Variants in SRD5A2 observed in about 807,000 individuals in gnomAD.
SRD5A2 encodes 3-oxo-5-alpha-steroid 4-dehydrogenase 2.
In SRD5A2, 30 loss-of-function variants were observed where a neutral mutation model predicts 27.4. The ratio of observed to expected loss-of-function variants is 1.10; its 90% CI spans 0.82 to 1.49. The LOEUF (loss-of-function observed/expected upper bound fraction) is 1.49, where lower values mean the gene tolerates loss of function less well. Among genes scored for constraint, SRD5A2 ranks in the 40% most tolerant of loss-of-function variants. SRD5A2 has a pLI of 0.00. For missense variants in SRD5A2, 348 were observed against 323.4 expected, an observed-to-expected ratio of 1.08 and a Z score of -0.58; for synonymous variants, 141 against 133.6, an observed-to-expected ratio of 1.06 and a Z score of -0.38.
At chr2:31,645,207 TA>T in the SRD5A2 span, among the ~76,000 whole-genome samples, 1 of 151,792 alleles carries the variant, frequency 6.6e-6, no homozygotes, top group Admixed American at 6.6e-5. Context: ...TAATGAGTAT[TA>T]AAAAAAACGT....
At chr2:31,660,080 T>A in the SRD5A2 span, among the ~76,000 whole-genome samples, 1 of 152,122 alleles carries the variant, frequency 6.6e-6, no homozygotes, top group Non-Finnish European at 1.5e-5. Flanking sequence ...GAATTTGATA[T>A]TTTAAAAAAT....
At chr2:31,652,063 A>G in the SRD5A2 span, among the ~76,000 whole-genome samples, 1 of 152,146 alleles carries the variant, frequency 6.6e-6, no homozygotes, top group Non-Finnish European at 1.5e-5. Context: ...GACGGAGGCA[A>G]TCCTCCCACC....
At chr2:31,639,843 C>T in the SRD5A2 span, among the ~76,000 whole-genome samples, 1 of 152,052 alleles carries the variant, frequency 6.6e-6, no homozygotes, top group East Asian at 1.9e-4. Flanking sequence ...TGGGTTGAAT[C>T]TGTTTAGTGT....
chr2:31,654,794 C>A, the SRD5A2 span, among the ~76,000 whole-genome samples: 4 of 152,154 alleles, frequency 2.6e-5, no homozygotes, highest in Admixed American at 2.6e-4. Flanking sequence ...TATCTGCTCT[C>A]AACAATGTAC....
Position 31,525,747 on chromosome 2 carries a change from G to C in SRD5A2, c.*449C>G. On this transcript the variant is annotated 3_prime_UTR_variant, in exon 5 of 5. Transcript: ENST00000622030. ...TTTGCTCTGGGTCTTTGTGGCTTCA[G>C]AGTTTAAATTTCTGCTACTCTGTTA... The C allele has an allele frequency of 4.4e-6, 1 of 228,738 alleles. No homozygotes were observed. The allele number at this position is 228,738 out of a possible 1,614,324, so 14.2% of individuals were successfully genotyped here.
chr2:31,562,246 G>T (rs1193501271), intron 1 of SRD5A2, among the ~76,000 whole-genome samples: 1 of 151,840 alleles, frequency 6.6e-6, no homozygotes, highest in Non-Finnish European at 1.5e-5. Context: ...AAATTTTTAT[G>T]TTTAATATTT....
At chr2:31,626,606 G>A in the SRD5A2 span, among the ~76,000 whole-genome samples, 1 of 152,096 alleles carries the variant, frequency 6.6e-6, no homozygotes, top group Admixed American at 6.6e-5. Context: ...TGCATCTATT[G>A]AGATAATCAT....
At chr2:31,578,911 T>TA (rs1427340758) in intron 1 of SRD5A2, among the ~76,000 whole-genome samples, 3 of 152,304 alleles carry the variant, frequency 2.0e-5, no homozygotes, top group African/African-American at 7.2e-5. Flanking sequence ...AATGACCTCA[T>TA]AAAAATATTG....
chr2:31,567,382 T>C (rs1287594443), intron 1 of SRD5A2, among the ~76,000 whole-genome samples: 1 of 152,024 alleles, frequency 6.6e-6, no homozygotes, highest in African/African-American at 2.4e-5. Flanking sequence ...CTTATTTTTA[T>C]TGAAGTAAAT....
the SRD5A2 span, among the ~76,000 whole-genome samples, chr2:31,597,065 G>C: frequency 1.3e-5 from 2 of 152,086 alleles, no homozygotes; most frequent in Admixed American, 6.6e-5. Context: ...AACAAGTCTG[G>C]AGGCATCACA....
the SRD5A2 span, among the ~76,000 whole-genome samples, chr2:31,591,992 A>C: frequency 6.7e-6 from 1 of 149,612 alleles, no homozygotes; most frequent in African/African-American, 2.5e-5. Flanking sequence ...ATGTTAAATG[A>C]CGAGTTAATG....
chr2:31,613,751 A>C, the SRD5A2 span, among the ~76,000 whole-genome samples: 1 of 152,100 alleles, frequency 6.6e-6, no homozygotes, highest in South Asian at 2.1e-4. Flanking sequence ...GGCTTAATGG[A>C]CTCACAGTTC....
At chr2:31,626,788 G>A in the SRD5A2 span, among the ~76,000 whole-genome samples, 1 of 152,128 alleles carries the variant, frequency 6.6e-6, no homozygotes, top group Non-Finnish European at 1.5e-5. Context: ...TTGCGTCAAT[G>A]TTCATCAGGG....
intron 2 of SRD5A2, 78 bp downstream of exon 2, chr2:31,533,525 G>A: frequency 7.4e-7 from 1 of 1,351,050 alleles, no homozygotes; most frequent in Non-Finnish European, 1.0e-6. Context: ...CATTGCAGTA[G>A]GGAGAGGCCA....
chr2:31,550,986 A>C (rs780018089), intron 1 of SRD5A2, among the ~76,000 whole-genome samples: 3 of 152,014 alleles, frequency 2.0e-5, no homozygotes, highest in Non-Finnish European at 2.9e-5. Context: ...TACAGAAAAA[A>C]ACCCCTCACT....
Position 31,531,432 on chromosome 2 carries a change from A to G in SRD5A2, c.486T>C (p.His162=), listed in dbSNP as rs746802015. 10 of 1,601,098 alleles carry G rather than the reference A, an allele frequency of 6.2e-6. No individual in the cohort carries two copies. The South Asian group carries it at 1.1e-4, about 18-fold the overall frequency. Residue 162 remains histidine (H), a synonymous_variant, in exon 3 of 5, where the codon CAT becomes CAC. Coordinates refer to ENST00000622030, the MANE Select transcript of SRD5A2 (RefSeq NM_000348.4). Reference sequence around the variant, plus strand: ...TGAGCTGGCGCAATATATAGTCACTATGAATGTTTATTCCCATTCCCAAAA... The same window carrying G: ...TGAGCTGGCGCAATATATAGTCACTGTGAATGTTTATTCCCATTCCCAAAA... ...LFILGMGINI[H]SDYILRQLRK... is the part of the protein sequence containing the mutation.
At chr2:31,569,678 A>AAAAAAAAAAAAC (rs1666812849) in intron 1 of SRD5A2, among the ~76,000 whole-genome samples, 1 of 30,278 alleles carries the variant, frequency 3.3e-5, no homozygotes. Context: ...AACAAAAAAC[A>AAAAAAAAAAAAC]AAAAAAAAAA....
At chr2:31,649,850 A>G in the SRD5A2 span, among the ~76,000 whole-genome samples, 2 of 152,186 alleles carry the variant, frequency 1.3e-5, no homozygotes, top group Non-Finnish European at 2.9e-5. Context: ...TCTGATGTCC[A>G]TAAGTAAACC....
the SRD5A2 span, among the ~76,000 whole-genome samples, chr2:31,630,977 G>C: frequency 6.6e-6 from 1 of 152,186 alleles, no homozygotes; most frequent in South Asian, 2.1e-4. Flanking sequence ...GCAGTTAGGA[G>C]AATTGCCTAA....
Sources: allele counts gnomAD v4.1 joint callset (sites outside exome capture counted in the v4.1 genomes callset), GRCh38; gene constraint gnomAD v4.1.1; transcripts MANE v1.5; gene names NCBI Gene and HGNC (gene_info 2026-07-23, HGNC 2026-07-21).